Variants in GPC6 observed in about 807,000 individuals in gnomAD.
The protein encoded by GPC6 is glypican-6.
In GPC6, 14 loss-of-function variants were observed where a neutral mutation model predicts 55.2. The observed-to-expected ratio is 0.25, with a 90% CI of 0.17 to 0.40. The LOEUF is 0.40. Ranked by LOEUF, GPC6 falls within the 10% of genes least tolerant of loss-of-function variation. The pLI is 1.00. For synonymous variants in GPC6, 278 were observed against 259.6 expected (o/e 1.07, Z -0.68); for missense variants, 641 against 708.5 (o/e 0.90, Z 1.08).
intron 3 of GPC6, among the ~76,000 whole-genome samples, chr13:93,987,158 A>C (rs1881068240): frequency 6.6e-6 from 1 of 152,134 alleles, no homozygotes; most frequent in African/African-American, 2.4e-5. Flanking sequence ...CATAGTAAAG[A>C]CTCAATATCT....
chr13:93,243,078 A>G (rs949186595), intron 1 of GPC6, among the ~76,000 whole-genome samples: 1 of 152,224 alleles, frequency 6.6e-6, no homozygotes, highest in African/African-American at 2.4e-5. Flanking sequence ...AGAAGTCCCC[A>G]GATCGCAGCC....
chr13:94,070,499 G>A (rs904684737), intron 4 of GPC6, among the ~76,000 whole-genome samples: 1 of 152,158 alleles, frequency 6.6e-6, no homozygotes, highest in East Asian at 1.9e-4. Context: ...AATATTGATT[G>A]TAATTGTCCT....
the GPC6 span, among the ~76,000 whole-genome samples, chr13:93,220,789 T>C: frequency 2.6e-4 from 39 of 152,346 alleles, no homozygotes; most frequent in Non-Finnish European, 5.3e-4. Flanking sequence ...ATATATTTAA[T>C]ACCTAAGATG....
intron 1 of GPC6, among the ~76,000 whole-genome samples, chr13:93,404,370 T>C (rs896710832): frequency 1.1e-4 from 17 of 152,306 alleles, no homozygotes; most frequent in African/African-American, 4.1e-4. Context: ...CAGTAAATTC[T>C]GAACTAGGCT....
In GPC6 at chr13:93,701,390, A is replaced by G. The variant is rs534191870; in HGVS notation, c.320-128764A>G. On this transcript the variant is annotated intron_variant, in intron 2 of 8. Transcript: ENST00000377047. ...AAAAAAAGTACATACATTAATAAAT[A>G]CTTTATTGCTAAAAATGCTAATGAT... Among the ~76,000 whole-genome samples, 10 of 150,782 alleles carry G rather than the reference A, an allele frequency of 6.6e-5. No homozygotes were observed. In the South Asian group the frequency reaches 2.1e-3, roughly 31 times the overall value.
intron 3 of GPC6, among the ~76,000 whole-genome samples, chr13:93,977,467 GGT>G (rs4001797): frequency 0.16 from 22,600 of 136,982 alleles, 1,730 homozygotes; most frequent in Non-Finnish European, 0.18. Flanking sequence ...GATGACAAGG[GGT>G]GTGTGTGTGT....
At chr13:94,125,062 T>G (rs1368396931) in intron 4 of GPC6, among the ~76,000 whole-genome samples, 1 of 152,152 alleles carries the variant, frequency 6.6e-6, no homozygotes, top group Non-Finnish European at 1.5e-5. Flanking sequence ...TTCTGTATTT[T>G]TTCACTTAAC....
chr13:94,070,086 C>T (rs879564390), intron 4 of GPC6, among the ~76,000 whole-genome samples: 24 of 152,146 alleles, frequency 1.6e-4, no homozygotes, highest in Non-Finnish European at 2.9e-4. Flanking sequence ...AGATTTAATG[C>T]ACTTATAGTT....
intron 2 of GPC6, among the ~76,000 whole-genome samples, chr13:93,551,839 C>T: frequency 6.6e-6 from 1 of 152,060 alleles, no homozygotes; most frequent in East Asian, 1.9e-4. Flanking sequence ...CTAAATAAAT[C>T]ACAGCAAGAC....
At chr13:93,569,453 A>T (rs190325808) in intron 2 of GPC6, among the ~76,000 whole-genome samples, 4 of 152,038 alleles carry the variant, frequency 2.6e-5, no homozygotes, top group African/African-American at 9.7e-5. Context: ...CAACTTCCTC[A>T]TTCTTGATCT....
intron 4 of GPC6, among the ~76,000 whole-genome samples, chr13:94,062,203 A>G (rs571155382): frequency 9.9e-5 from 15 of 152,166 alleles, no homozygotes; most frequent in Non-Finnish European, 1.8e-4. Context: ...TTATTTAGTA[A>G]CTATGTGAGA....
chr13:93,256,954 C>A (rs1043776209), intron 1 of GPC6, among the ~76,000 whole-genome samples: 1 of 152,046 alleles, frequency 6.6e-6, no homozygotes, highest in Non-Finnish European at 1.5e-5. Context: ...TTTGTCCAAC[C>A]TAATCTTTAG....
chr13:93,471,738 C>T (rs757800497), intron 1 of GPC6, among the ~76,000 whole-genome samples: 19 of 151,998 alleles, frequency 1.3e-4, no homozygotes, highest in Non-Finnish European at 1.3e-4. Context: ...ACAGAGAACA[C>T]GCTGTGTATG....
intron 3 of GPC6, among the ~76,000 whole-genome samples, chr13:93,878,982 G>A (rs186583079): frequency 6.6e-6 from 1 of 152,172 alleles, no homozygotes; most frequent in Non-Finnish European, 1.5e-5. Flanking sequence ...AAACAAGAAA[G>A]CAACTGCAGA....
chr13:93,822,485 T>G (rs1465740274), intron 2 of GPC6, among the ~76,000 whole-genome samples: 2 of 152,206 alleles, frequency 1.3e-5, no homozygotes, highest in African/African-American at 4.8e-5. Context: ...CTGAGGTACA[T>G]GTGCAGAATA....
At chr13:93,390,453 C>T (rs1262140372) in intron 1 of GPC6, among the ~76,000 whole-genome samples, 1 of 152,104 alleles carries the variant, frequency 6.6e-6, no homozygotes, top group Non-Finnish European at 1.5e-5. Flanking sequence ...ATAGTGTACT[C>T]TAGAGACCCA....
chr13:93,277,352 T>G (rs892677993), intron 1 of GPC6, among the ~76,000 whole-genome samples: 1 of 152,138 alleles, frequency 6.6e-6, no homozygotes, highest in Non-Finnish European at 1.5e-5. Context: ...GCCAACCTAA[T>G]TAAGAGTTGT....
intron 1 of GPC6, among the ~76,000 whole-genome samples, chr13:93,298,093 T>C (rs1878555129): frequency 6.6e-6 from 1 of 152,122 alleles, no homozygotes; most frequent in African/African-American, 2.4e-5. Context: ...ACATAGGCAG[T>C]GCCAGACCAA....
intron 6 of GPC6, among the ~76,000 whole-genome samples, chr13:94,346,751 C>T (rs1163652187): frequency 6.7e-6 from 1 of 149,966 alleles, no homozygotes; most frequent in Non-Finnish European, 1.5e-5. Flanking sequence ...CACTGCAATA[C>T]CTATGTCACC....
Sources: gnomAD v4.1 joint callset for allele counts (sites outside exome capture counted in the v4.1 genomes callset) on GRCh38, gnomAD v4.1.1 for gene constraint, MANE v1.5 for transcripts, NCBI Gene and HGNC (gene_info 2026-07-23, HGNC 2026-07-21) for gene names.